ANXA8: variants seen among roughly 807,000 people sequenced by gnomAD.
ANXA8 encodes the protein annexin A8.
ANXA8 carries 9 observed loss-of-function variants against 26.8 expected under a neutral mutation model. The ratio of observed to expected loss-of-function variants is 0.34; its 90% CI spans 0.20 to 0.59. ANXA8 has a LOEUF of 0.59. Ranked by LOEUF, ANXA8 falls within the 20% of genes least tolerant of loss-of-function variation. ANXA8 has a pLI of 0.84. For missense variants in ANXA8, 83 were observed against 238.5 expected (o/e 0.35, Z 4.29); for synonymous variants, 39 against 94.8 (o/e 0.41, Z 3.42).
At chr10:47,699,074 C>T in the ANXA8 span, among the ~76,000 whole-genome samples, 35 of 151,716 alleles carry the variant, frequency 2.3e-4, no homozygotes, top group Middle Eastern at 3.4e-3. Flanking sequence ...TGGTCTGGTG[C>T]GGTGGCTCAC....
At chr10:47,549,323 C>T in the ANXA8 span, 1 of 1,475,808 alleles carries the variant, frequency 6.8e-7, no homozygotes, top group East Asian at 2.3e-5. Context: ...CTACTTTAGC[C>T]AGATCAATCA....
chr10:47,632,348 C>T, the ANXA8 span, among the ~76,000 whole-genome samples: 1 of 150,324 alleles, frequency 6.7e-6, no homozygotes. Flanking sequence ...CTTGATCCTA[C>T]TTTTGTTTGT....
chr10:47,686,355 A>AT, the ANXA8 span, among the ~76,000 whole-genome samples: 1 of 149,626 alleles, frequency 6.7e-6, no homozygotes, highest in Non-Finnish European at 1.5e-5. Flanking sequence ...AGTAGCTGGG[A>AT]TTACAGGTGC....
chr10:47,957,916 TAAG>T, the ANXA8 span, among the ~76,000 whole-genome samples: 3 of 150,386 alleles, frequency 2.0e-5, no homozygotes, highest in Non-Finnish European at 4.4e-5. Context: ...AATTCAATAA[TAAG>T]AAGACAAACA....
the ANXA8 span, among the ~76,000 whole-genome samples, chr10:47,493,495 G>A: frequency 1.9e-3 from 278 of 147,700 alleles, 14 homozygotes; most frequent in East Asian, 0.03. Context: ...TCACACAAGG[G>A]TCCTTTCTAT....
chr10:47,941,878 T>C, the ANXA8 span, among the ~76,000 whole-genome samples: 6 of 147,642 alleles, frequency 4.1e-5, no homozygotes, highest in South Asian at 6.3e-4. Context: ...GGAGTCTATA[T>C]TTGATTGTAA....
chr10:47,497,544 GGGAGGT>G, the ANXA8 span, among the ~76,000 whole-genome samples: 1 of 148,440 alleles, frequency 6.7e-6, no homozygotes, highest in Non-Finnish European at 1.5e-5. Flanking sequence ...GCTTGAACAC[GGGAGGT>G]GGAGGTTGCC....
chr10:47,559,329 T>C, the ANXA8 span, among the ~76,000 whole-genome samples: 3 of 151,576 alleles, frequency 2.0e-5, no homozygotes, highest in Admixed American at 6.6e-5. Flanking sequence ...GGTTTCACCA[T>C]GTTGGCCAAG....
At chr10:47,559,014 A>G in the ANXA8 span, among the ~76,000 whole-genome samples, 2 of 151,740 alleles carry the variant, frequency 1.3e-5, no homozygotes, top group Non-Finnish European at 2.9e-5. Flanking sequence ...GGCATTAAAA[A>G]GGGCTAAGCT....
the ANXA8 span, among the ~76,000 whole-genome samples, chr10:47,733,171 T>TTCTTTCTTTCTTTCTCTCTCTC: frequency 1.4e-3 from 140 of 100,890 alleles, 1 homozygote; most frequent in African/African-American, 4.3e-3. Context: ...CTTTCTTTCT[T>TTCTTTCTTTCTTTCTCTCTCTC]TCTTTCTTTC....
chr10:47,603,588 TAC>T, the ANXA8 span, among the ~76,000 whole-genome samples: 4 of 147,728 alleles, frequency 2.7e-5, no homozygotes, highest in Non-Finnish European at 5.9e-5. Flanking sequence ...CTCAGCTCAC[TAC>T]AACCTCCACT....
chr10:47,497,334 G>C, the ANXA8 span, among the ~76,000 whole-genome samples: 1 of 119,128 alleles, frequency 8.4e-6, no homozygotes, highest in African/African-American at 3.3e-5. Flanking sequence ...AAAAAAAAAA[G>C]GCCAGGCGCA....
chr10:47,684,639 G>T, the ANXA8 span, among the ~76,000 whole-genome samples: 5 of 151,856 alleles, frequency 3.3e-5, no homozygotes, highest in South Asian at 1.0e-3. Context: ...AGGCTGGAGG[G>T]CAGTGGCCCG....
At chr10:47,922,115 T>C in the ANXA8 span, 2 of 513,222 alleles carry the variant, frequency 3.9e-6, 1 homozygote, top group Non-Finnish European at 5.5e-6. Context: ...GTGATGGTCT[T>C]CATTGTCACT....
chr10:47,546,496 G>A, the ANXA8 span, among the ~76,000 whole-genome samples: 5 of 127,412 alleles, frequency 3.9e-5, no homozygotes, highest in Middle Eastern at 3.8e-3. Context: ...TCCGCCCCCC[G>A]GATTCATGCC....
At chr10:47,652,381 G>A in the ANXA8 span, among the ~76,000 whole-genome samples, 6 of 151,874 alleles carry the variant, frequency 4.0e-5, no homozygotes, top group Non-Finnish European at 8.8e-5. Flanking sequence ...TGGATCACTT[G>A]AGGCCAGGAG....
the ANXA8 span, among the ~76,000 whole-genome samples, chr10:47,976,615 C>T: frequency 2.7e-5 from 4 of 147,800 alleles, no homozygotes; most frequent in South Asian, 8.9e-4. Context: ...AAACCAGCAG[C>T]CTGGTAGCCA....
the ANXA8 span, chr10:47,490,506 C>T: frequency 6.5e-6 from 1 of 152,898 alleles, no homozygotes; most frequent in Middle Eastern, 3.2e-3. Flanking sequence ...AACAAAGAAA[C>T]AGGTGGTGAG....
the ANXA8 span, among the ~76,000 whole-genome samples, chr10:47,587,987 C>T: frequency 9.0e-5 from 13 of 144,072 alleles, 1 homozygote; most frequent in South Asian, 8.4e-4. Context: ...GGCACAAATG[C>T]GGTTTGTTGT....
Sources: gnomAD v4.1 joint callset for allele counts (sites outside exome capture counted in the v4.1 genomes callset) on GRCh38, gnomAD v4.1.1 for gene constraint, MANE v1.5 for transcripts, NCBI Gene and HGNC (gene_info 2026-07-23, HGNC 2026-07-21) for gene names.